PDE4D: variants seen among roughly 807,000 people sequenced by gnomAD.
The protein encoded by PDE4D is phosphodiesterase 4D.
In PDE4D, 24 loss-of-function variants were observed where a neutral mutation model predicts 87.4. That is an observed-to-expected ratio of 0.27 (90% confidence interval 0.20 to 0.39). The LOEUF is 0.39. Ranked by LOEUF, PDE4D falls within the 10% of genes least tolerant of loss-of-function variation. The pLI, the probability that PDE4D is intolerant of heterozygous loss-of-function variation, is 1.00. For missense variants in PDE4D, 714 were observed against 1,041.0 expected, an observed-to-expected ratio of 0.69 and a Z score of 4.32; for synonymous variants, 384 against 383.2, an observed-to-expected ratio of 1.00 and a Z score of -0.02.
chr5:59,352,564 G>A (rs1780692465), intron 1 of PDE4D, among the ~76,000 whole-genome samples: 1 of 152,124 alleles, frequency 6.6e-6, no homozygotes, highest in South Asian at 2.1e-4. Context: ...TTTGGTAGTA[G>A]CAAAGAGTAG....
chr5:60,308,710 C>G (rs546196706), intron 1 of PDE4D, among the ~76,000 whole-genome samples: 5 of 152,240 alleles, frequency 3.3e-5, no homozygotes, highest in Non-Finnish European at 5.9e-5. Flanking sequence ...TGGGAAAAGC[C>G]AAAGAAGAAA....
At chr5:60,078,354 A>C (rs1327591032) in intron 2 of PDE4D, among the ~76,000 whole-genome samples, 1 of 151,834 alleles carries the variant, frequency 6.6e-6, no homozygotes. Flanking sequence ...GTTGTATCCC[A>C]TATGTTTTGG....
intron 1 of PDE4D, among the ~76,000 whole-genome samples, chr5:60,296,155 T>C (rs1478651597): frequency 1.3e-5 from 2 of 152,154 alleles, no homozygotes; most frequent in African/African-American, 2.4e-5. Context: ...CTTCAACATA[T>C]GAATTTTGGA....
In PDE4D at chr5:60,084,773, T is replaced by C. The variant is rs184859074; in HGVS notation, c.43-96056A>G. 5.3e-5 allele frequency among the ~76,000 whole-genome samples: 8 copies of C among 152,332 alleles called. No individual in the cohort carries two copies. In the East Asian group the frequency reaches 1.4e-3, roughly 26 times the overall value. On this transcript the variant is annotated intron_variant, in intron 2 of 16. Coordinates refer to the PDE4D transcript ENST00000502484. ...CAGCAGTCATGTATTATTACCAAAA[T>C]ATTACATAGTTTCTGTCCTGGTGGA...
At chr5:60,089,857 T>C (rs1220563245) in intron 2 of PDE4D, among the ~76,000 whole-genome samples, 2 of 140,436 alleles carry the variant, frequency 1.4e-5, no homozygotes, top group African/African-American at 5.3e-5. Flanking sequence ...ACTACAGAAA[T>C]ACAAAAAAAA....
chr5:59,097,873 T>C (rs1369463655), intron 5 of PDE4D, among the ~76,000 whole-genome samples: 1 of 152,182 alleles, frequency 6.6e-6, no homozygotes, highest in Admixed American at 6.5e-5. Context: ...GAAAATTAAG[T>C]CACAAAAACA....
chr5:59,108,866 C>G (rs1772072634), intron 5 of PDE4D, among the ~76,000 whole-genome samples: 1 of 146,240 alleles, frequency 6.8e-6, no homozygotes, highest in Non-Finnish European at 1.5e-5. Flanking sequence ...GAGATCGCAC[C>G]ACTGCACTCC....
intron 1 of PDE4D, among the ~76,000 whole-genome samples, chr5:60,348,772 A>C (rs1025271420): frequency 6.6e-6 from 1 of 152,116 alleles, no homozygotes; most frequent in Non-Finnish European, 1.5e-5. Context: ...CAAAATATAT[A>C]AAAACAGAAA....
chr5:59,115,510 T>A (rs1773454238), intron 5 of PDE4D, among the ~76,000 whole-genome samples: 1 of 152,326 alleles, frequency 6.6e-6, no homozygotes, highest in East Asian at 1.9e-4. Context: ...TAGAACCACA[T>A]GACCAAGCTT....
At chr5:59,196,730 G>C (rs558262597) in intron 2 of PDE4D, among the ~76,000 whole-genome samples, 1 of 152,144 alleles carries the variant, frequency 6.6e-6, no homozygotes, top group Admixed American at 6.5e-5. Flanking sequence ...TGTGTTAGAA[G>C]TCCGAAGACA....
At chr5:60,510,345 T>G (rs1178406736) in intron 1 of PDE4D, among the ~76,000 whole-genome samples, 1 of 152,092 alleles carries the variant, frequency 6.6e-6, no homozygotes, top group Non-Finnish European at 1.5e-5. Flanking sequence ...TTGGTTTCCA[T>G]CTCAAGGTTT....
At chr5:59,805,444 GC>G (rs1370206364) in intron 1 of PDE4D, among the ~76,000 whole-genome samples, 1 of 152,158 alleles carries the variant, frequency 6.6e-6, no homozygotes, top group Admixed American at 6.5e-5. Flanking sequence ...CTTCTGGTGA[GC>G]CAAGTGTGTT....
At chr5:59,118,890 G>A (rs1286097091) in intron 5 of PDE4D, among the ~76,000 whole-genome samples, 2 of 152,136 alleles carry the variant, frequency 1.3e-5, no homozygotes, top group African/African-American at 4.8e-5. Flanking sequence ...TTGGGAGAGT[G>A]AATGAATGAA....
intron 3 of PDE4D, among the ~76,000 whole-genome samples, chr5:59,906,189 G>T (rs1358646727): frequency 6.6e-6 from 1 of 152,006 alleles, no homozygotes; most frequent in African/African-American, 2.4e-5. Context: ...GAAAACACTG[G>T]AACTCAATTT....
chr5:59,031,392 T>TATATA (rs1431074293), intron 6 of PDE4D, among the ~76,000 whole-genome samples: 8 of 34,282 alleles, frequency 2.3e-4, no homozygotes, highest in South Asian at 2.0e-3. Context: ...TATATATATA[T>TATATA]TATATATATA....
chr5:59,136,156 C>G (rs2153453158), intron 5 of PDE4D, among the ~76,000 whole-genome samples: 1 of 152,124 alleles, frequency 6.6e-6, no homozygotes, highest in Middle Eastern at 3.4e-3. Flanking sequence ...ATAATTGATT[C>G]AATGAGTCTT....
intron 5 of PDE4D, among the ~76,000 whole-genome samples, chr5:59,143,006 CTG>C (rs1489957438): frequency 5.9e-5 from 9 of 152,124 alleles, no homozygotes; most frequent in African/African-American, 7.2e-5. Flanking sequence ...TGAAAAATAA[CTG>C]TATTTTTATT....
intron 1 of PDE4D, among the ~76,000 whole-genome samples, chr5:59,714,806 G>A (rs879911243): frequency 2.6e-5 from 4 of 152,218 alleles, no homozygotes; most frequent in Non-Finnish European, 5.9e-5. Context: ...TGCAGATTTA[G>A]AAGCGGCAAT....
chr5:60,107,211 T>C lies in PDE4D; in HGVS notation c.42+78346A>G, dbSNP rs200196026. Among the ~76,000 whole-genome samples, 964 of 152,110 alleles carry C rather than the reference T, an allele frequency of 6.3e-3. 15 individuals carry two copies. Among genetic ancestry groups the C allele is most frequent in the East Asian group, 0.045 (231 of 5,166 alleles). Reference sequence around the variant, plus strand: ...ATCCCACAGAAATACAAACTACCATTAGAGAATACTACAAAAACCTCTACG... The same window carrying C: ...ATCCCACAGAAATACAAACTACCATCAGAGAATACTACAAAAACCTCTACG... On this transcript the variant is annotated intron_variant, in intron 2 of 16. Coordinates refer to the PDE4D transcript ENST00000502484.
Sources: allele counts gnomAD v4.1 joint callset (sites outside exome capture counted in the v4.1 genomes callset), GRCh38; gene constraint gnomAD v4.1.1; transcripts MANE v1.5; gene names NCBI Gene and HGNC (gene_info 2026-07-23, HGNC 2026-07-21).